Variants in LRMDA observed in about 807,000 individuals in gnomAD.
The protein encoded by LRMDA is leucine-rich melanocyte differentiation-associated protein.
Under a neutral mutation model 29.8 loss-of-function variants are expected in LRMDA, and 18 were observed. The ratio of observed to expected loss-of-function variants is 0.60; its 90% CI spans 0.42 to 0.90. The LOEUF is 0.90. Among genes scored for constraint, LRMDA ranks in the 40% least tolerant of loss-of-function variants. The pLI is 0.00. For missense variants in LRMDA, 273 were observed against 273.9 expected (o/e 1.00, Z 0.02); for synonymous variants, 125 against 109.4 (o/e 1.14, Z -0.89).
chr10:75,564,260 G>A (rs1026457687), intron 2 of LRMDA, among the ~76,000 whole-genome samples: 7 of 152,148 alleles, frequency 4.6e-5, no homozygotes, highest in African/African-American at 9.7e-5. Flanking sequence ...CCCCAGCCTC[G>A]CTGACGCCTT....
intron 2 of LRMDA, among the ~76,000 whole-genome samples, chr10:75,617,883 ACCTG>A (rs1311166149): frequency 2.0e-5 from 3 of 152,170 alleles, no homozygotes; most frequent in Admixed American, 6.6e-5. Context: ...GCAGTAGGAG[ACCTG>A]GCGCTACAGA....
intron 5 of LRMDA, among the ~76,000 whole-genome samples, chr10:76,290,767 G>C (rs1034549781): frequency 6.6e-6 from 1 of 152,078 alleles, no homozygotes; most frequent in Non-Finnish European, 1.5e-5. Context: ...CATTTCTAGA[G>C]AAACCTGTCT....
chr10:76,543,113 T>A (rs772044061), intron 6 of LRMDA, among the ~76,000 whole-genome samples: 3 of 152,100 alleles, frequency 2.0e-5, no homozygotes, highest in Admixed American at 6.6e-5. Context: ...AATTATTGAT[T>A]CTTTAAAATG....
chr10:75,658,295 G>GA (rs10649469), intron 2 of LRMDA, among the ~76,000 whole-genome samples: 15,689 of 76,570 alleles, frequency 0.2, 1,097 homozygotes, highest in Middle Eastern at 0.3. Context: ...CAAAGAAAAT[G>GA]AAAAAAAAAA....
chr10:76,016,097 C>T (rs1368381145), intron 2 of LRMDA, among the ~76,000 whole-genome samples: 1 of 152,134 alleles, frequency 6.6e-6, no homozygotes, highest in South Asian at 2.1e-4. Flanking sequence ...TTCCACACGT[C>T]GACATCTTGT....
intron 5 of LRMDA, among the ~76,000 whole-genome samples, chr10:76,166,717 C>T (rs1850747279): frequency 6.6e-6 from 1 of 152,112 alleles, no homozygotes; most frequent in South Asian, 2.1e-4. Flanking sequence ...TCTAGTCTAC[C>T]ATTCATGGGC....
chr10:76,424,493 C>A (rs1220537979), intron 6 of LRMDA, among the ~76,000 whole-genome samples: 1 of 152,014 alleles, frequency 6.6e-6, no homozygotes, highest in Admixed American at 6.5e-5. Context: ...GAGCCAAGAT[C>A]GTGCCACTGC....
chr10:76,422,870 G>C (rs2220610), intron 6 of LRMDA, among the ~76,000 whole-genome samples: 152,294 of 152,334 alleles, frequency 1, 76,127 homozygotes, highest in Non-Finnish European at 1. Flanking sequence ...CTTTCCAATG[G>C]ATTTATAGCA....
At chr10:76,551,955 T>C (rs1843501053) in intron 6 of LRMDA, among the ~76,000 whole-genome samples, 1 of 152,144 alleles carries the variant, frequency 6.6e-6, no homozygotes, top group South Asian at 2.1e-4. Context: ...GAACCCTTCA[T>C]CCCCTGCCTC....
At chr10:76,363,216 AG>A (rs1158525632) in intron 6 of LRMDA, among the ~76,000 whole-genome samples, 10 of 5,410 alleles carry the variant, frequency 1.8e-3, no homozygotes, top group African/African-American at 4.9e-3. Context: ...GAGGGAAGGA[AG>A]AGAAAGAAAG....
intron 2 of LRMDA, among the ~76,000 whole-genome samples, chr10:75,654,668 C>A (rs1589147716): frequency 6.6e-6 from 1 of 152,292 alleles, no homozygotes; most frequent in East Asian, 1.9e-4. Flanking sequence ...CACAGTCATA[C>A]ACAGATGTGA....
At chr10:75,788,707 T>C (rs181272330) in intron 2 of LRMDA, among the ~76,000 whole-genome samples, 1 of 152,356 alleles carries the variant, frequency 6.6e-6, no homozygotes, top group East Asian at 1.9e-4. Flanking sequence ...TTCCTGGCTG[T>C]AGGACAGGCG....
At chr10:75,521,799 C>G (rs1589168097) in intron 2 of LRMDA, among the ~76,000 whole-genome samples, 1 of 152,328 alleles carries the variant, frequency 6.6e-6, no homozygotes, top group East Asian at 1.9e-4. Flanking sequence ...ATTGATCACA[C>G]TAGGAGCTGC....
chr10:76,540,456 T>C (rs1843341745), intron 6 of LRMDA, among the ~76,000 whole-genome samples: 1 of 152,238 alleles, frequency 6.6e-6, no homozygotes, highest in South Asian at 2.1e-4. Flanking sequence ...TTTACATCTG[T>C]GTATCAGCCA....
intron 5 of LRMDA, among the ~76,000 whole-genome samples, chr10:76,262,453 G>T (rs1839956565): frequency 6.6e-6 from 1 of 152,158 alleles, no homozygotes; most frequent in South Asian, 2.1e-4. Context: ...TGGCATTCAG[G>T]TTTAGGTTCT....
At chr10:75,762,924 G>A (rs975599666) in intron 2 of LRMDA, among the ~76,000 whole-genome samples, 2 of 152,138 alleles carry the variant, frequency 1.3e-5, no homozygotes, top group Non-Finnish European at 2.9e-5. Context: ...TTATAAACAA[G>A]TGTGAATTTG....
intron 2 of LRMDA, among the ~76,000 whole-genome samples, chr10:75,745,003 G>A (rs921064806): frequency 2.4e-4 from 37 of 152,194 alleles, no homozygotes; most frequent in Non-Finnish European, 1.0e-4. Flanking sequence ...CACTGTGCAC[G>A]TCCCCAACTC....
At chr10:75,512,164 A>T (rs1027971620) in intron 2 of LRMDA, among the ~76,000 whole-genome samples, 1 of 152,184 alleles carries the variant, frequency 6.6e-6, no homozygotes, top group African/African-American at 2.4e-5. Context: ...AGGCAAAGCC[A>T]AGGTTGAACG....
At chr10:75,663,126 T>TAG (rs892038047) in intron 2 of LRMDA, among the ~76,000 whole-genome samples, 17 of 152,176 alleles carry the variant, frequency 1.1e-4, no homozygotes, top group Non-Finnish European at 1.8e-4. Context: ...AGGGAAAGTC[T>TAG]AGAGTAGAGT....
Sources: gnomAD v4.1 joint callset for allele counts (sites outside exome capture counted in the v4.1 genomes callset) on GRCh38, gnomAD v4.1.1 for gene constraint, MANE v1.5 for transcripts, NCBI Gene and HGNC (gene_info 2026-07-23, HGNC 2026-07-21) for gene names.